SFMBT2: variants seen among roughly 807,000 people sequenced by gnomAD.
SFMBT2 encodes the protein Scm like with four mbt domains 2.
Under a neutral mutation model 110.1 loss-of-function variants are expected in SFMBT2, and 38 were observed. That is an observed-to-expected ratio of 0.35 (90% CI 0.27 to 0.45). The LOEUF (loss-of-function observed/expected upper bound fraction) is 0.45, where lower values mean the gene tolerates loss of function less well. Ranked by LOEUF, SFMBT2 falls within the 20% of genes least tolerant of loss-of-function variation. The probability of loss-of-function intolerance (pLI) is 1.00; values close to 1 mark genes in which losing one functional copy is unlikely to be tolerated. For synonymous variants in SFMBT2, 425 were observed against 425.4 expected (o/e 1.00, Z 0.01); for missense variants, 1,011 against 1,094.9 (o/e 0.92, Z 1.08).
chr10:7,403,082 A>G (rs1470080363), intron 1 of SFMBT2, among the ~76,000 whole-genome samples: 1 of 152,270 alleles, frequency 6.6e-6, no homozygotes, highest in East Asian at 1.9e-4. Flanking sequence ...GACAGTAAAC[A>G]ACATTGTGTC....
chr10:7,393,928 T>C (rs1023623817), intron 1 of SFMBT2, among the ~76,000 whole-genome samples: 3 of 152,212 alleles, frequency 2.0e-5, no homozygotes, highest in Admixed American at 6.5e-5. Flanking sequence ...CTCTTGTTGA[T>C]GCCACTCTAA....
intron 1 of SFMBT2, among the ~76,000 whole-genome samples, chr10:7,407,337 G>A (rs1293515003): frequency 6.6e-6 from 1 of 152,068 alleles, no homozygotes; most frequent in African/African-American, 2.4e-5. Context: ...CTTTCCCTTG[G>A]TGTAGACACG....
intron 1 of SFMBT2, among the ~76,000 whole-genome samples, chr10:7,395,296 T>C (rs1386546673): frequency 6.6e-6 from 1 of 152,186 alleles, no homozygotes; most frequent in Non-Finnish European, 1.5e-5. Context: ...AAAAAAAGAA[T>C]TCTACGTTGG....
At chr10:7,404,073 C>T (rs1469832393) in intron 1 of SFMBT2, among the ~76,000 whole-genome samples, 1 of 152,200 alleles carries the variant, frequency 6.6e-6, no homozygotes, top group Non-Finnish European at 1.5e-5. Flanking sequence ...GCACCCCACA[C>T]ATATGTATGA....
intron 4 of SFMBT2, among the ~76,000 whole-genome samples, chr10:7,286,961 A>G (rs1842108358): frequency 6.6e-6 from 1 of 152,166 alleles, no homozygotes; most frequent in Non-Finnish European, 1.5e-5. Flanking sequence ...GAATGGAAAG[A>G]AAAGAGTCTA....
At chr10:7,295,946 G>T (rs1842397631) in intron 4 of SFMBT2, among the ~76,000 whole-genome samples, 1 of 151,808 alleles carries the variant, frequency 6.6e-6, no homozygotes, top group South Asian at 2.1e-4. Flanking sequence ...AAGTTCCCAA[G>T]AAGATCTTAG....
At chr10:7,329,961 T>C (rs775742725) in intron 4 of SFMBT2, among the ~76,000 whole-genome samples, 4 of 152,100 alleles carry the variant, frequency 2.6e-5, no homozygotes, top group Non-Finnish European at 5.9e-5. Flanking sequence ...GTCAAAGAAT[T>C]CTAGAGTCAG....
At chr10:7,388,967 C>T (rs1469474991) in intron 1 of SFMBT2, among the ~76,000 whole-genome samples, 1 of 152,108 alleles carries the variant, frequency 6.6e-6, no homozygotes, top group Non-Finnish European at 1.5e-5. Context: ...AGGGTGTGAA[C>T]TAAGACAGTG....
intron 1 of SFMBT2, among the ~76,000 whole-genome samples, chr10:7,385,884 C>T (rs1355310459): frequency 2.0e-5 from 3 of 152,128 alleles, no homozygotes; most frequent in Non-Finnish European, 4.4e-5. Context: ...CCTGTAGTCC[C>T]AGCTACTCAG....
chr10:7,194,296 C>CT (rs1165080740), intron 15 of SFMBT2, among the ~76,000 whole-genome samples: 24 of 152,312 alleles, frequency 1.6e-4, no homozygotes, highest in Middle Eastern at 6.8e-3. Flanking sequence ...CCACTCAACT[C>CT]TAACACCCAT....
At chr10:7,272,391 G>C (rs1415675468) in intron 7 of SFMBT2, among the ~76,000 whole-genome samples, 1 of 152,216 alleles carries the variant, frequency 6.6e-6, no homozygotes, top group East Asian at 1.9e-4. Flanking sequence ...CAGCAGAAAA[G>C]CTGAGCACCA....
intron 4 of SFMBT2, among the ~76,000 whole-genome samples, chr10:7,339,658 T>C (rs1016318963): frequency 2.6e-5 from 4 of 152,192 alleles, no homozygotes; most frequent in African/African-American, 9.7e-5. Flanking sequence ...CGCTGACAGA[T>C]TTCACAGGGA....
chr10:7,312,803 T>C (rs1417338718), intron 4 of SFMBT2, among the ~76,000 whole-genome samples: 3 of 152,178 alleles, frequency 2.0e-5, no homozygotes, highest in Admixed American at 1.3e-4. Context: ...TAGTTAATTA[T>C]AAAGTGCTGA....
At chr10:7,402,824 C>T (rs1389096362) in intron 1 of SFMBT2, among the ~76,000 whole-genome samples, 1 of 152,096 alleles carries the variant, frequency 6.6e-6, no homozygotes, top group Non-Finnish European at 1.5e-5. Context: ...AATAAAAGAC[C>T]AAAAACTAAA....
At chr10:7,395,389 ATTAGGGGACTTTTTGACATTTC>A (rs1370225025) in intron 1 of SFMBT2, among the ~76,000 whole-genome samples, 1 of 152,218 alleles carries the variant, frequency 6.6e-6, no homozygotes, top group East Asian at 1.9e-4. Flanking sequence ...TGCTGTCCTA[ATTAGGGGACTTTTTGACATTTC>A]TGAAATCTCA....
intron 4 of SFMBT2, among the ~76,000 whole-genome samples, chr10:7,323,006 C>T (rs538016867): frequency 1.3e-5 from 2 of 152,054 alleles, no homozygotes; most frequent in South Asian, 4.1e-4. Context: ...CAAAAGACAA[C>T]CTAAATGTCT....
intron 17 of SFMBT2, among the ~76,000 whole-genome samples, chr10:7,174,598 C>A (rs145963563): frequency 1.6e-4 from 24 of 152,342 alleles, no homozygotes; most frequent in African/African-American, 5.8e-4. Flanking sequence ...GAGTTCATTT[C>A]GGCAATGCTG....
chr10:7,254,267 C>G (rs1299028813), intron 7 of SFMBT2, among the ~76,000 whole-genome samples: 1 of 152,128 alleles, frequency 6.6e-6, no homozygotes, highest in African/African-American at 2.4e-5. Context: ...CCAATAAGCA[C>G]TGATCAGAAA....
intron 4 of SFMBT2, among the ~76,000 whole-genome samples, chr10:7,363,431 C>G (rs948048556): frequency 6.6e-6 from 1 of 152,040 alleles, no homozygotes; most frequent in Non-Finnish European, 1.5e-5. Flanking sequence ...TCACGGCAAC[C>G]TTTGCCTCCT....
Sources: allele counts gnomAD v4.1 joint callset (sites outside exome capture counted in the v4.1 genomes callset), GRCh38; gene constraint gnomAD v4.1.1; transcripts MANE v1.5; gene names NCBI Gene and HGNC (gene_info 2026-07-23, HGNC 2026-07-21).